Variants in MYO5B observed in about 807,000 individuals in gnomAD.
MYO5B encodes the protein myosin VB.
In MYO5B, 143 loss-of-function variants were observed where a neutral mutation model predicts 229.3. That is an observed-to-expected ratio of 0.62 (90% CI 0.54 to 0.72). MYO5B has a LOEUF of 0.72. Among genes scored for constraint, MYO5B ranks in the 30% least tolerant of loss-of-function variants. The probability of loss-of-function intolerance (pLI) is 0.00; values close to 1 mark genes in which losing one functional copy is unlikely to be tolerated. For synonymous variants in MYO5B, 918 were observed against 885.2 expected (o/e 1.04, Z -0.66); for missense variants, 2,321 against 2,331.0 (o/e 1.00, Z 0.09).
chr18:49,936,240 G>C lies in MYO5B; in HGVS notation c.2003+12C>G. 6.3e-7 allele frequency: 1 copy of C among 1,577,544 alleles called. No homozygotes were observed. Among genetic ancestry groups the C allele is most frequent in the South Asian group, 1.2e-5 (1 of 86,606 alleles). On this transcript the variant is annotated intron_variant, in intron 16 of 39. Transcript: ENST00000285039. The stretch of plus-strand genomic sequence containing the variant: ...GCTGGGCTGGACAGGCTAATGCCCA[G>C]CAGGCACTTACTGAAAGGGGAGCTT...
chr18:50,030,721 C>T (rs771175107), intron 4 of MYO5B, among the ~76,000 whole-genome samples: 25 of 151,780 alleles, frequency 1.6e-4, no homozygotes, highest in Non-Finnish European at 3.4e-4. Flanking sequence ...CTCCAAGCTG[C>T]ACACCCCTCC....
chr18:50,073,095 GTAGTT>G (rs2030996727), intron 1 of MYO5B, among the ~76,000 whole-genome samples: 1 of 152,208 alleles, frequency 6.6e-6, no homozygotes, highest in Non-Finnish European at 1.5e-5. Context: ...AGTTGACTGA[GTAGTT>G]TAGCGATCTG....
intron 27 of MYO5B, among the ~76,000 whole-genome samples, chr18:49,866,841 G>A (rs548227304): frequency 1.4e-4 from 22 of 152,322 alleles, no homozygotes; most frequent in African/African-American, 4.1e-4. Flanking sequence ...AGTGACTGGG[G>A]AACACAGAAG....
At chr18:50,192,471 G>A (rs1023009677) in intron 1 of MYO5B, among the ~76,000 whole-genome samples, 1 of 152,204 alleles carries the variant, frequency 6.6e-6, no homozygotes, top group Non-Finnish European at 1.5e-5. Context: ...TTGGGGGAAT[G>A]CTCAAGCCAT....
At chr18:50,178,620 G>A (rs1180222890) in intron 1 of MYO5B, among the ~76,000 whole-genome samples, 1 of 152,214 alleles carries the variant, frequency 6.6e-6, no homozygotes, top group Non-Finnish European at 1.5e-5. Flanking sequence ...TAATTTGGCT[G>A]GCACTCAGCT....
intron 4 of MYO5B, among the ~76,000 whole-genome samples, chr18:50,022,113 C>G (rs935048069): frequency 7.1e-6 from 1 of 140,110 alleles, no homozygotes; most frequent in African/African-American, 2.5e-5. Context: ...ATTTTTTTCT[C>G]AGAGTCAGCA....
intron 4 of MYO5B, among the ~76,000 whole-genome samples, chr18:50,031,831 C>G (rs1485941243): frequency 1.3e-5 from 2 of 152,174 alleles, no homozygotes; most frequent in East Asian, 3.8e-4. Context: ...ACATTAGTCC[C>G]TCGAAATAAT....
intron 1 of MYO5B, among the ~76,000 whole-genome samples, chr18:50,191,378 T>C (rs1348949435): frequency 1.3e-5 from 2 of 152,296 alleles, no homozygotes; most frequent in Non-Finnish European, 2.9e-5. Flanking sequence ...GGATTAATTA[T>C]GCCAACCCCT....
At chr18:49,899,848 T>G (rs904149608) in intron 21 of MYO5B, among the ~76,000 whole-genome samples, 2 of 152,186 alleles carry the variant, frequency 1.3e-5, no homozygotes, top group African/African-American at 4.8e-5. Flanking sequence ...ACACAGGGCA[T>G]CCTGCCCAGG....
intron 22 of MYO5B, 96 bp from the exon 23 acceptor site, chr18:49,880,551 G>A: frequency 1.1e-6 from 1 of 952,316 alleles, no homozygotes; most frequent in South Asian, 1.3e-5. Flanking sequence ...ACATGTAAAT[G>A]CTCTTTTTAA....
Position 49,908,265 on chromosome 18 carries a change from T to TC in MYO5B, c.2203-1636dup, listed in dbSNP as rs772315164. Among the ~76,000 whole-genome samples, 15 of 152,290 alleles carry TC rather than the reference T, an allele frequency of 9.8e-5. No homozygotes were observed. The East Asian group carries it at 2.9e-3, about 29-fold the overall frequency. On this transcript the variant is annotated intron_variant, in intron 18 of 39. Coordinates refer to ENST00000285039, the MANE Select transcript of MYO5B (RefSeq NM_001080467.3). Reference sequence around the variant, plus strand: ...ACCCATCAGCCTCATCTCCATACTGTCCTCACCCTGTGTGTCTCCAGAACA... The same window carrying TC: ...ACCCATCAGCCTCATCTCCATACTGTCCCTCACCCTGTGTGTCTCCAGAACA...
At chr18:49,836,130 TTTG>T (rs1387034252) in intron 38 of MYO5B, among the ~76,000 whole-genome samples, 1 of 152,176 alleles carries the variant, frequency 6.6e-6, no homozygotes, top group African/African-American at 2.4e-5. Flanking sequence ...GAGTTTGGAT[TTTG>T]TTATTTATCT....
chr18:49,929,610 G>GAAAAAAAAAAAAAAAAAA lies in MYO5B; in HGVS notation c.2004-13_2004-12insTTTTTTTTTTTTTTTTTT. On this transcript the variant is annotated splice_polypyrimidine_tract_variant and intron_variant, in intron 16 of 39. Coordinates refer to ENST00000285039, the MANE Select transcript of MYO5B (RefSeq NM_001080467.3). ...TCTTTGGGTCAAAGCTGCCAAAGGAGAAAAAAAAAAAAAAAAGCAAGACAA... is the reference window on the plus strand; with the variant it reads ...TCTTTGGGTCAAAGCTGCCAAAGGAGAAAAAAAAAAAAAAAAAAAAAAAAAAAAAAAAAAGCAAGACAA... 2 of 1,288,220 alleles carry GAAAAAAAAAAAAAAAAAA rather than the reference G, an allele frequency of 1.6e-6. No individual in the cohort carries two copies. The highest frequency in any genetic ancestry group is 4.4e-5 in the Admixed American group (2 of 45,196). 79.8% of individuals were successfully genotyped at this position (1,288,220 alleles called of 1,614,324 possible). A position where few individuals can be genotyped will look rare whatever the true frequency, so the allele number is the denominator to read the frequency against.
intron 2 of MYO5B, among the ~76,000 whole-genome samples, chr18:50,048,120 A>G (rs1231447521): frequency 5.3e-5 from 8 of 151,380 alleles, no homozygotes; most frequent in African/African-American, 2.0e-4. Context: ...TACAAAAAAA[A>G]AAACACAAAC....
intron 9 of MYO5B, among the ~76,000 whole-genome samples, chr18:49,975,860 T>G (rs2025744928): frequency 6.6e-6 from 1 of 152,178 alleles, no homozygotes; most frequent in East Asian, 1.9e-4. Context: ...CTCTACTGAC[T>G]ATGTGTGAGT....
Position 50,001,370 on chromosome 18 carries a change from C to T in MYO5B, c.497G>A (p.Gly166Glu). The change falls in exon 5 of 40, where the codon GGA becomes GAA. Residue 166 changes from glycine to glutamate, a missense_variant. Gly to Glu is a moderately conservative substitution (Grantham distance 98). Coordinates refer to ENST00000285039, the MANE Select transcript of MYO5B (RefSeq NM_001080467.3). ...NQSIIVSGESGAGKTVSAKYA... is the reference protein window; with the variant it reads ...NQSIIVSGESEAGKTVSAKYA... Reference sequence around the variant, plus strand: ...CTTGGCTGATACCGTCTTCCCGGCTCCAGACTCCCCACTGACTATGATGGA... The same window carrying T: ...CTTGGCTGATACCGTCTTCCCGGCTTCAGACTCCCCACTGACTATGATGGA... 6.2e-7 allele frequency: 1 copy of T among 1,614,190 alleles called. No individual in the cohort carries two copies. Among genetic ancestry groups the T allele is most frequent in the Non-Finnish European group, 8.5e-7 (1 of 1,180,016 alleles).
intron 10 of MYO5B, among the ~76,000 whole-genome samples, chr18:49,967,361 A>G (rs62098866): frequency 0.028 from 4,205 of 152,168 alleles, 100 homozygotes; most frequent in South Asian, 0.05. Flanking sequence ...TGAATCTCTC[A>G]CTCCATGACC....
intron 27 of MYO5B, among the ~76,000 whole-genome samples, chr18:49,871,254 T>A (rs920822925): frequency 1.4e-4 from 22 of 152,116 alleles, no homozygotes; most frequent in Non-Finnish European, 2.9e-4. Context: ...GAAAGTACAA[T>A]TGTGGTTGCC....
At chr18:50,105,122 A>T (rs545120753) in intron 1 of MYO5B, among the ~76,000 whole-genome samples, 1 of 152,106 alleles carries the variant, frequency 6.6e-6, no homozygotes, top group South Asian at 2.1e-4. Flanking sequence ...TAGGAATCAG[A>T]CCAAGATGAG....
Sources: gnomAD v4.1 joint callset for allele counts (sites outside exome capture counted in the v4.1 genomes callset) on GRCh38, gnomAD v4.1.1 for gene constraint, MANE v1.5 for transcripts, NCBI Gene and HGNC (gene_info 2026-07-23, HGNC 2026-07-21) for gene names.